The following KIAA1549L variants were observed in gnomAD, a reference collection of about 807,000 sequenced individuals.
KIAA1549L encodes the protein UPF0606 protein KIAA1549L.
A neutral mutation model predicts 160.7 loss-of-function variants in KIAA1549L; 88 were observed. That is an observed-to-expected ratio of 0.55 (90% CI 0.46 to 0.65). The LOEUF (loss-of-function observed/expected upper bound fraction) is 0.65, where lower values mean the gene tolerates loss of function less well. Ranked by LOEUF, KIAA1549L falls within the 30% of genes least tolerant of loss-of-function variation. The pLI, the probability that KIAA1549L is intolerant of heterozygous loss-of-function variation, is 0.00. For missense variants in KIAA1549L, 2,258 were observed against 2,437.5 expected, an observed-to-expected ratio of 0.93 and a Z score of 1.55; for synonymous variants, 950 against 976.7, an observed-to-expected ratio of 0.97 and a Z score of 0.51.
At chr11:33,606,873 A>T in intron 14 of KIAA1549L, 51 bp downstream of exon 14, 1 of 1,479,470 alleles carries the variant, frequency 6.8e-7, no homozygotes, top group South Asian at 1.3e-5. Context: ...GACTTGGGAA[A>T]TTCGGACGAA....
At chr11:33,377,791 C>T (rs1383620008) in intron 1 of KIAA1549L, among the ~76,000 whole-genome samples, 1 of 152,096 alleles carries the variant, frequency 6.6e-6, no homozygotes, top group Non-Finnish European at 1.5e-5. Context: ...TCTCAGAGTA[C>T]CCCCTCCCCC....
chr11:33,437,211 A>G (rs1851399476), intron 1 of KIAA1549L, among the ~76,000 whole-genome samples: 1 of 152,198 alleles, frequency 6.6e-6, no homozygotes, highest in Non-Finnish European at 1.5e-5. Flanking sequence ...GAGTACTCTC[A>G]TATGTACACA....
At chr11:33,634,190 G>A (rs1242681622) in intron 16 of KIAA1549L, among the ~76,000 whole-genome samples, 1 of 152,038 alleles carries the variant, frequency 6.6e-6, no homozygotes, top group African/African-American at 2.4e-5. Context: ...TTACAAGCAT[G>A]CACCACCATG....
At position 33,542,670 on chromosome 11, in the gene KIAA1549L, TGGAAG is replaced by T. The variant is rs769478030; in HGVS notation, c.1108_1112del (p.Gly370ProfsTer36). On this transcript the variant is annotated frameshift_variant, in exon 2 of 21. Coordinates refer to ENST00000658780, the MANE Select transcript of KIAA1549L (RefSeq NM_012194.3). LOFTEE classifies it high-confidence loss of function. ...TTGGAAGTCTTCTTCAGCTTCCAGA[TGGAAG>T]CCCCTCATGGTCAATGTTGGAAGTG... is the stretch of plus-strand genomic sequence containing the variant. 8.1e-6 allele frequency: 13 copies of T among 1,613,758 alleles called. No homozygotes were observed. In the South Asian group the frequency reaches 1.4e-4, roughly 18 times the overall value.
At chr11:33,464,511 T>TGTGTGC (rs1491348414) in intron 1 of KIAA1549L, among the ~76,000 whole-genome samples, 79 of 139,568 alleles carry the variant, frequency 5.7e-4, no homozygotes, top group African/African-American at 1.1e-3. Context: ...TGTGTGTGTG[T>TGTGTGC]GCGTGCGCGC....
chr11:33,387,647 T>C (rs1850199475), intron 1 of KIAA1549L, among the ~76,000 whole-genome samples: 2 of 152,022 alleles, frequency 1.3e-5, no homozygotes, highest in African/African-American at 4.8e-5. Flanking sequence ...ACTACTTTGG[T>C]TTAAGGTCTA....
chr11:33,470,994 AT>A (rs892719313), intron 1 of KIAA1549L, among the ~76,000 whole-genome samples: 3 of 151,498 alleles, frequency 2.0e-5, no homozygotes, highest in African/African-American at 4.8e-5. Context: ...AGTTTCTTGC[AT>A]TTTTTTTAAG....
At chr11:33,584,161 A>G (rs775082679) in intron 11 of KIAA1549L, among the ~76,000 whole-genome samples, 1 of 152,220 alleles carries the variant, frequency 6.6e-6, no homozygotes, top group Non-Finnish European at 1.5e-5. Flanking sequence ...CCATCCTGGC[A>G]CCTTGATCTT....
chr11:33,493,206 A>G (rs1448621214), intron 1 of KIAA1549L, among the ~76,000 whole-genome samples: 1 of 152,142 alleles, frequency 6.6e-6, no homozygotes, highest in Non-Finnish European at 1.5e-5. Flanking sequence ...AATCCCCAAC[A>G]TAACACTGTT....
chr11:33,641,480 G>C (rs943457587), intron 16 of KIAA1549L, among the ~76,000 whole-genome samples: 1 of 150,442 alleles, frequency 6.6e-6, no homozygotes, highest in African/African-American at 2.4e-5. Flanking sequence ...CTATAAGGTA[G>C]ATTATCTCAA....
intron 1 of KIAA1549L, among the ~76,000 whole-genome samples, chr11:33,489,793 C>T (rs1852614986): frequency 6.6e-6 from 1 of 152,204 alleles, no homozygotes; most frequent in African/African-American, 2.4e-5. Context: ...AAAATGTAGT[C>T]TAGCTGTGTG....
At chr11:33,409,365 G>A (rs1432366456) in intron 1 of KIAA1549L, among the ~76,000 whole-genome samples, 1 of 152,280 alleles carries the variant, frequency 6.6e-6, no homozygotes, top group Admixed American at 6.5e-5. Flanking sequence ...AACAATAACA[G>A]ATGACATTTG....
chr11:33,510,141 C>T (rs928010812), intron 1 of KIAA1549L, among the ~76,000 whole-genome samples: 1 of 152,034 alleles, frequency 6.6e-6, no homozygotes, highest in East Asian at 1.9e-4. Flanking sequence ...CTCTCACTCT[C>T]TCTCTCATGT....
rs1287703565 is a variant in KIAA1549L at position 33,435,786 on chromosome 11, A to ATGTGTGTGTGTGTG, written c.238+58898_238+58899insGTGTGTGTGTGTGT. Among the ~76,000 whole-genome samples, 11 of 18,958 alleles carry ATGTGTGTGTGTGTG rather than the reference A, an allele frequency of 5.8e-4. 1 individual carries two copies. Among genetic ancestry groups the ATGTGTGTGTGTGTG allele is most frequent in the African/African-American group, 2.0e-3 (4 of 2,016 alleles). 12.4% of individuals were successfully genotyped at this position (18,958 alleles called of 152,430 possible). On this transcript the variant is annotated intron_variant, in intron 1 of 20. Coordinates refer to ENST00000658780, the MANE Select transcript of KIAA1549L (RefSeq NM_012194.3). ...TATATATATATATATATATATATATATATATATATATATATATATATATAT... is the reference window on the plus strand; with the variant it reads ...TATATATATATATATATATATATATATGTGTGTGTGTGTGTATATATATATATATATATATATAT...
At chr11:33,494,442 C>CT (rs1852767801) in intron 1 of KIAA1549L, among the ~76,000 whole-genome samples, 1 of 152,214 alleles carries the variant, frequency 6.6e-6, no homozygotes, top group Non-Finnish European at 1.5e-5. Flanking sequence ...AAAGGACTGT[C>CT]TAAGTACCAA....
In KIAA1549L at chr11:33,656,712, G is replaced by A. The variant is rs1852076680; in HGVS notation, c.5858+603G>A. 2.0e-5 allele frequency among the ~76,000 whole-genome samples: 3 copies of A among 152,150 alleles called. 1 individual carries two copies. In the South Asian group the frequency reaches 6.2e-4, roughly 32 times the overall value. On this transcript the variant is annotated intron_variant, in intron 18 of 20. Coordinates refer to ENST00000658780, the MANE Select transcript of KIAA1549L (RefSeq NM_012194.3). ...GGGGTACATGTGGACCACTGCCCTG[G>A]CCTTCCTACTCCAGCTTCCCCCAAC...
intron 1 of KIAA1549L, among the ~76,000 whole-genome samples, chr11:33,418,706 G>T (rs532768164): frequency 6.6e-6 from 1 of 152,272 alleles, no homozygotes; most frequent in South Asian, 2.1e-4. Context: ...AGGCTTGTTT[G>T]TGTATAACCC....
In KIAA1549L at chr11:33,471,218, CTT is replaced by C. The variant is rs113201118; in HGVS notation, c.239-70570_239-70569del. Among the ~76,000 whole-genome samples the C allele has an allele frequency of 8.6e-3, 1,219 of 141,616 alleles. 16 individuals are homozygous for C. Among genetic ancestry groups the C allele is most frequent in the African/African-American group, 0.03 (1,157 of 38,696 alleles). 92.9% of individuals were successfully genotyped at this position (141,616 alleles called of 152,430 possible). ...GGAAGCCAAAGGCCCATCTCAGAAC[CTT>C]TTTTTTTTTTTTTCAACATTCTCAG... On this transcript the variant is annotated intron_variant, in intron 1 of 20. Transcript: ENST00000658780.
At chr11:33,520,684 A>ACACACACACAC (rs1853464753) in intron 1 of KIAA1549L, among the ~76,000 whole-genome samples, 5 of 84,784 alleles carry the variant, frequency 5.9e-5, no homozygotes, top group African/African-American at 1.0e-4. Flanking sequence ...CCCCACCCCC[A>ACACACACACAC]ACACACACAC....
Sources: allele counts gnomAD v4.1 joint callset (sites outside exome capture counted in the v4.1 genomes callset), GRCh38; gene constraint gnomAD v4.1.1; transcripts MANE v1.5; gene names NCBI Gene and HGNC (gene_info 2026-07-23, HGNC 2026-07-21).